Variants in CEP128 observed in about 807,000 individuals in gnomAD.
The protein encoded by CEP128 is centrosomal protein 128, also known as centrosomal protein 128kDa.
Under a neutral mutation model 156.7 loss-of-function variants are expected in CEP128, and 132 were observed. That is an observed-to-expected ratio of 0.84 (90% CI 0.73 to 0.97). CEP128 has a LOEUF of 0.97. Among genes scored for constraint, CEP128 ranks in the 50% least tolerant of loss-of-function variants. The probability of loss-of-function intolerance (pLI) is 0.00; values close to 1 mark genes in which losing one functional copy is unlikely to be tolerated. For synonymous variants in CEP128, 469 were observed against 448.9 expected (o/e 1.04, Z -0.57); for missense variants, 1,252 against 1,281.9 (o/e 0.98, Z 0.36).
At chr14:80,954,754 T>C (rs981259961) in intron 2 of CEP128, among the ~76,000 whole-genome samples, 1 of 152,252 alleles carries the variant, frequency 6.6e-6, no homozygotes, top group Non-Finnish European at 1.5e-5. Context: ...TCTTTTTGGC[T>C]ACTGTGCGAA....
At chr14:80,645,754 C>T (rs746306621) in intron 19 of CEP128, among the ~76,000 whole-genome samples, 1 of 152,110 alleles carries the variant, frequency 6.6e-6, no homozygotes, top group Non-Finnish European at 1.5e-5. Flanking sequence ...TATGTCTACA[C>T]AAAAATCTGC....
At chr14:80,890,879 A>T (rs1889065326) in intron 8 of CEP128, among the ~76,000 whole-genome samples, 1 of 152,200 alleles carries the variant, frequency 6.6e-6, no homozygotes, top group African/African-American at 2.4e-5. Context: ...TCTTATTTTT[A>T]AATCGGCAAA....
At chr14:80,713,233 CTCTT>C (rs1897477500) in intron 19 of CEP128, among the ~76,000 whole-genome samples, 1 of 152,138 alleles carries the variant, frequency 6.6e-6, no homozygotes, top group Non-Finnish European at 1.5e-5. Context: ...ATATAAAAGA[CTCTT>C]TATAATCTAA....
intron 19 of CEP128, among the ~76,000 whole-genome samples, chr14:80,691,978 C>T (rs1461901607): frequency 6.6e-6 from 1 of 152,110 alleles, no homozygotes; most frequent in Non-Finnish European, 1.5e-5. Flanking sequence ...GTAAGTAGGA[C>T]ACTCCCCTCT....
chr14:80,610,222 C>T (rs1451427760), intron 19 of CEP128, among the ~76,000 whole-genome samples: 1 of 152,032 alleles, frequency 6.6e-6, no homozygotes, highest in Non-Finnish European at 1.5e-5. Context: ...AATCTTTCCC[C>T]CACTTATTTG....
chr14:80,522,718 C>G (rs1462115643), intron 23 of CEP128, among the ~76,000 whole-genome samples: 1 of 152,156 alleles, frequency 6.6e-6, no homozygotes, highest in Non-Finnish European at 1.5e-5. Flanking sequence ...TACTGGCTGA[C>G]TTTTGAACAT....
chr14:80,481,578 T>G (rs535986705), intron 14 of CEP128, among the ~76,000 whole-genome samples: 1 of 152,224 alleles, frequency 6.6e-6, no homozygotes, highest in African/African-American at 2.4e-5. Flanking sequence ...TGCAGAATGT[T>G]ATTGTATACT....
At chr14:80,492,125 T>C (rs1820666476), downstream of CEP128, among the ~76,000 whole-genome samples, 1 of 152,154 alleles carries the variant, frequency 6.6e-6, no homozygotes, top group African/African-American at 2.4e-5. Context: ...GGGGATATAT[T>C]TGAAATTGAA....
In CEP128 at chr14:80,505,154, T is replaced by A. The variant is rs940319928; in HGVS notation, c.3073-134A>T. Reference sequence around the variant, plus strand: ...CATGCACAATTTAATATAATTATAATCACTGTAAAAATAAAATATGTGCAT... The same window carrying A: ...CATGCACAATTTAATATAATTATAAACACTGTAAAAATAAAATATGTGCAT... On this transcript the variant is annotated intron_variant, in intron 23 of 24. Transcript: ENST00000555265. 3.3e-5 allele frequency: 12 copies of A among 358,688 alleles called. No homozygotes were observed. The South Asian group carries it at 6.3e-4, about 19-fold the overall frequency. 22.2% of individuals were successfully genotyped at this position (358,688 alleles called of 1,614,324 possible). A position where few individuals can be genotyped will look rare whatever the true frequency, so the allele number is the denominator to read the frequency against.
chr14:80,726,283 A>G (rs1445732149), intron 19 of CEP128, among the ~76,000 whole-genome samples: 1 of 152,164 alleles, frequency 6.6e-6, no homozygotes, highest in Admixed American at 6.6e-5. Context: ...TGTAATTTAT[A>G]TTCCCTCAGA....
intron 13 of CEP128, among the ~76,000 whole-genome samples, chr14:80,828,498 T>C (rs544345780): frequency 3.3e-5 from 5 of 152,266 alleles, no homozygotes; most frequent in African/African-American, 9.6e-5. Flanking sequence ...AGAATATTAG[T>C]GATATGGACA....
intron 6 of CEP128, among the ~76,000 whole-genome samples, chr14:80,901,882 G>C (rs1462205967): frequency 6.6e-6 from 1 of 152,162 alleles, no homozygotes; most frequent in Non-Finnish European, 1.5e-5. Context: ...ACTACAGCCA[G>C]AGTGATCTTT....
intron 21 of CEP128, among the ~76,000 whole-genome samples, chr14:80,538,645 T>C (rs989559511): frequency 1.7e-4 from 26 of 152,358 alleles, no homozygotes; most frequent in Admixed American, 1.5e-3. Context: ...TCGAAGTACA[T>C]TGCATACATT....
chr14:80,935,659 A>AAAAAAAAAC (rs1885756268), intron 2 of CEP128, among the ~76,000 whole-genome samples: 1 of 146,758 alleles, frequency 6.8e-6, no homozygotes, highest in Non-Finnish European at 1.5e-5. Flanking sequence ...AAAAAAAAAA[A>AAAAAAAAAC]AAAAAAAAAC....
In CEP128 at chr14:80,880,898, TAA is replaced by T. The variant is rs1491512419; in HGVS notation, c.645+14818_645+14819del. ...ATAATAATAATAATAATAATAATAA[TAA>T]TAATAATAATTTCAGTAAAGGATAC... On this transcript the variant is annotated intron_variant, in intron 8 of 24. Transcript: ENST00000555265. Among the ~76,000 whole-genome samples, 799 of 141,110 alleles carry T rather than the reference TAA, an allele frequency of 5.7e-3. 5 individuals are homozygous for T. The highest frequency in any genetic ancestry group is 8.3e-3 in the Non-Finnish European group (552 of 66,216). The allele number at this position is 141,110 out of a possible 152,430, so 92.6% of individuals were successfully genotyped here. A position where few individuals can be genotyped will look rare whatever the true frequency, so the allele number is the denominator to read the frequency against.
chr14:80,506,335 CT>C (rs398057291), intron 23 of CEP128, among the ~76,000 whole-genome samples: 3,653 of 126,794 alleles, frequency 0.029, 170 homozygotes, highest in African/African-American at 0.099. Flanking sequence ...ATTTGAAACT[CT>C]TTTTTTTTTT....
At chr14:80,638,987 A>G (rs1167630046) in intron 19 of CEP128, among the ~76,000 whole-genome samples, 1 of 152,206 alleles carries the variant, frequency 6.6e-6, no homozygotes, top group Non-Finnish European at 1.5e-5. Context: ...GATGAGAAGA[A>G]TAAATTATGG....
At chr14:80,912,132 G>A (rs375706675) in intron 4 of CEP128, among the ~76,000 whole-genome samples, 45 of 149,858 alleles carry the variant, frequency 3.0e-4, no homozygotes, top group African/African-American at 1.1e-3. Flanking sequence ...CAGGAGAATC[G>A]CTTAAACCTG....
Position 80,530,866 on chromosome 14 carries a change from G to C in CEP128, c.2901C>G (p.Asp967Glu), listed in dbSNP as rs1695197350. ...GTTTCTCAGGCACAGACTCCAGATG[G>C]TCCAAGGCCACTTGGGTACTCTGAA... ...ALETSTQVAL[D>E]HLESVPEKLS... is the part of the protein sequence containing the mutation. The change falls in exon 22 of 25, where the codon GAC (aspartate) becomes GAG (glutamate). Residue 967 changes from aspartate to glutamate, a missense_variant. By Grantham distance (45) the Asp-to-Glu change is conservative. Transcript: ENST00000555265. The C allele has an allele frequency of 1.2e-5, 20 of 1,606,808 alleles. No individual in the cohort carries two copies. Among genetic ancestry groups the C allele is most frequent in the Non-Finnish European group, 1.7e-5 (20 of 1,175,994 alleles).
Sources: allele counts gnomAD v4.1 joint callset (sites outside exome capture counted in the v4.1 genomes callset), GRCh38; gene constraint gnomAD v4.1.1; transcripts MANE v1.5; gene names NCBI Gene and HGNC (gene_info 2026-07-23, HGNC 2026-07-21).